The following MAJIN variants were observed in gnomAD, a reference collection of about 807,000 sequenced individuals.
The protein encoded by MAJIN is membrane-anchored junction protein.
Under a neutral mutation model 30.2 loss-of-function variants are expected in MAJIN, and 27 were observed. The ratio of observed to expected loss-of-function variants is 0.89; its 90% CI spans 0.66 to 1.23. The LOEUF is 1.23. MAJIN is among the 50% of genes most tolerant of loss of function. MAJIN has a pLI of 0.00. For missense variants in MAJIN, 253 were observed against 260.3 expected (o/e 0.97, Z 0.19); for synonymous variants, 78 against 91.6 (o/e 0.85, Z 0.85).
chr11:64,969,154 A>G (rs542945909), intron 1 of MAJIN, among the ~76,000 whole-genome samples: 3 of 152,306 alleles, frequency 2.0e-5, no homozygotes, highest in African/African-American at 7.2e-5. Flanking sequence ...ATTCTAGGGA[A>G]AGAGATTTGG....
chr11:64,956,166 G>A (rs1356378532), intron 3 of MAJIN, among the ~76,000 whole-genome samples: 1 of 152,188 alleles, frequency 6.6e-6, no homozygotes, highest in Non-Finnish European at 1.5e-5. Context: ...TGGGCATGGT[G>A]GTGCATGCCT....
intron 8 of MAJIN, among the ~76,000 whole-genome samples, chr11:64,943,875 T>G (rs989519415): frequency 6.6e-6 from 1 of 152,234 alleles, no homozygotes; most frequent in African/African-American, 2.4e-5. Flanking sequence ...ACTCCTCATG[T>G]ACTTTCTCAT....
At chr11:64,941,105 T>C (rs1043986078) in intron 8 of MAJIN, among the ~76,000 whole-genome samples, 2 of 152,134 alleles carry the variant, frequency 1.3e-5, no homozygotes, top group Admixed American at 6.5e-5. Flanking sequence ...CCCAAAATGC[T>C]GGAATTATAG....
At chr11:64,948,633 ATATATATT>A (rs1945496314) in intron 6 of MAJIN, among the ~76,000 whole-genome samples, 1 of 38,340 alleles carries the variant, frequency 2.6e-5, no homozygotes, top group African/African-American at 1.8e-4. Context: ...ATATATATAT[ATATATATT>A]TTTTTTTTTT....
intron 9 of MAJIN, 161 bp from the exon 10 acceptor site, chr11:64,939,928 G>C: frequency 3.4e-6 from 2 of 581,032 alleles, no homozygotes; most frequent in South Asian, 2.1e-5. Flanking sequence ...TTTCATCTCA[G>C]CTCAGTAAGA....
At chr11:64,945,994 G>A in intron 8 of MAJIN, 1 of 1,232,812 alleles carries the variant, frequency 8.1e-7, no homozygotes, top group Non-Finnish European at 1.1e-6. Context: ...AAACCAAGAT[G>A]TGCTGGTAAC....
intron 4 of MAJIN, among the ~76,000 whole-genome samples, chr11:64,950,676 G>A (rs1487467759): frequency 6.6e-6 from 1 of 152,006 alleles, no homozygotes; most frequent in South Asian, 2.1e-4. Context: ...CTGCCTCCTG[G>A]GCTCAAGTGA....
At chr11:64,956,363 C>T (rs1432247265) in intron 3 of MAJIN, among the ~76,000 whole-genome samples, 1 of 151,752 alleles carries the variant, frequency 6.6e-6, no homozygotes, top group East Asian at 1.9e-4. Context: ...GTGGCGGGCG[C>T]CTGTAATTCC....
chr11:64,957,942 C>T (rs1166884224), intron 3 of MAJIN, among the ~76,000 whole-genome samples: 1 of 150,688 alleles, frequency 6.6e-6, no homozygotes, highest in Non-Finnish European at 1.5e-5. Flanking sequence ...TAAATTTTTG[C>T]TGTGATTTTT....
intron 3 of MAJIN, among the ~76,000 whole-genome samples, chr11:64,957,069 A>ATT (rs796423142): frequency 6.8e-6 from 1 of 146,318 alleles, no homozygotes; most frequent in Non-Finnish European, 1.5e-5. Flanking sequence ...GCCTGGCCTG[A>ATT]TTTTTTTTTT....
intron 1 of MAJIN, among the ~76,000 whole-genome samples, chr11:64,967,802 G>A (rs969231278): frequency 7.9e-5 from 12 of 152,106 alleles, no homozygotes; most frequent in Non-Finnish European, 1.5e-4. Flanking sequence ...ATGATCCCTC[G>A]TCTTTAAGGG....
intron 6 of MAJIN, among the ~76,000 whole-genome samples, chr11:64,948,822 AAATTT>A (rs2136751510): frequency 6.8e-6 from 1 of 147,184 alleles, no homozygotes; most frequent in South Asian, 2.2e-4. Context: ...ACGCCTGGCT[AAATTT>A]ATTTTTAGTA....
rs1057442855 is a variant in MAJIN at position 64,939,707 on chromosome 11, G to C, written c.607C>G (p.Leu203Val). The change falls in exon 10 of 11, where the codon CTC becomes GTC. Residue 203 changes from leucine to valine, a missense_variant. Leu to Val is a conservative substitution (Grantham distance 32). Transcript: ENST00000301896. ...ELSHPCSTTH[L>V]HLRSEQPPAS... ...GGTGGCTGCTCGCTCCTTAGGTGGA[G>C]GTGAGTTGTGCTGCAGGGGTGGGAC... 1 of 1,614,122 alleles carries C rather than the reference G, an allele frequency of 6.2e-7. No homozygotes were observed. The highest frequency in any genetic ancestry group is 8.5e-7 in the Non-Finnish European group (1 of 1,179,990).
At chr11:64,943,770 T>C (rs1015871891) in intron 8 of MAJIN, among the ~76,000 whole-genome samples, 5 of 152,212 alleles carry the variant, frequency 3.3e-5, no homozygotes, top group East Asian at 3.8e-4. Context: ...AAACTAAGAA[T>C]AGGAAGATAC....
intron 9 of MAJIN, among the ~76,000 whole-genome samples, chr11:64,940,266 C>G (rs1945354294): frequency 6.6e-6 from 1 of 152,188 alleles, no homozygotes; most frequent in Admixed American, 6.5e-5. Flanking sequence ...ACAACCCTCT[C>G]AACATTTCTA....
chr11:64,948,623 A>G (rs1444932376), intron 6 of MAJIN, among the ~76,000 whole-genome samples: 7 of 38,376 alleles, frequency 1.8e-4, no homozygotes, highest in African/African-American at 9.1e-4. Flanking sequence ...ATATATATAT[A>G]TATATATATA....
intron 1 of MAJIN, among the ~76,000 whole-genome samples, chr11:64,968,780 C>T (rs982707757): frequency 1.3e-5 from 2 of 150,896 alleles, no homozygotes; most frequent in Middle Eastern, 3.4e-3. Flanking sequence ...CGCAGTGAGC[C>T]GAGATCGCAC....
At chr11:64,963,617 C>G (rs967023802) in intron 1 of MAJIN, among the ~76,000 whole-genome samples, 3 of 152,160 alleles carry the variant, frequency 2.0e-5, no homozygotes, top group Admixed American at 2.0e-4. Flanking sequence ...GCAGGTGGAT[C>G]ACCTGAGGTC....
intron 8 of MAJIN, 87 bp from the exon 9 acceptor site, chr11:64,940,733 C>T: frequency 1.7e-6 from 2 of 1,185,442 alleles, no homozygotes; most frequent in Admixed American, 3.5e-5. Context: ...GAACTGATTT[C>T]ATATCAGCAC....
Sources: allele counts gnomAD v4.1 joint callset (sites outside exome capture counted in the v4.1 genomes callset), GRCh38; gene constraint gnomAD v4.1.1; transcripts MANE v1.5; gene names NCBI Gene and HGNC (gene_info 2026-07-23, HGNC 2026-07-21).